The following ERLIN2 variants were observed in gnomAD, a reference collection of about 807,000 sequenced individuals.
ERLIN2 encodes the protein ER lipid raft associated 2.
Under a neutral mutation model 41.5 loss-of-function variants are expected in ERLIN2, and 22 were observed. The observed-to-expected ratio is 0.53, with a 90% CI of 0.38 to 0.76. The LOEUF is 0.76. Among genes scored for constraint, ERLIN2 ranks in the 30% least tolerant of loss-of-function variants. The pLI is 0.00. For synonymous variants in ERLIN2, 149 were observed against 150.9 expected, an observed-to-expected ratio of 0.99 and a Z score of 0.09; for missense variants, 247 against 414.3, an observed-to-expected ratio of 0.60 and a Z score of 3.51.
At chr8:37,745,732 T>G (rs1344875536) in intron 6 of ERLIN2, 11 of 1,544,342 alleles carry the variant, frequency 7.1e-6, no homozygotes, top group African/African-American at 1.4e-5. Context: ...TTACTTTTAA[T>G]GTTTCTGCAG....
At position 37,754,228 on chromosome 8, in the gene ERLIN2, G is replaced by A; in HGVS notation, c.*113G>A. On this transcript the variant is annotated 3_prime_UTR_variant, in exon 12 of 12. Transcript: ENST00000519638. ...TCTCTGACTGTCTTCCAGTTACTGTGGTGAAAAAGAAGAAATGAACTTAAA... is the reference window on the plus strand; with the variant it reads ...TCTCTGACTGTCTTCCAGTTACTGTAGTGAAAAAGAAGAAATGAACTTAAA... 1.2e-6 allele frequency: 1 copy of A among 853,750 alleles called. No individual in the cohort carries two copies. The highest frequency in any genetic ancestry group is 1.9e-6 in the Non-Finnish European group (1 of 516,034). The allele number at this position is 853,750 out of a possible 1,614,324, so 52.9% of individuals were successfully genotyped here. A position where few individuals can be genotyped will look rare whatever the true frequency, so the allele number is the denominator to read the frequency against.
At chr8:37,739,658 A>G (rs1802782480) in intron 2 of ERLIN2, among the ~76,000 whole-genome samples, 1 of 151,870 alleles carries the variant, frequency 6.6e-6, no homozygotes, top group Non-Finnish European at 1.5e-5. Flanking sequence ...TATTTTTAGT[A>G]GAGACGAGGT....
chr8:37,751,644 AG>A lies in ERLIN2; in HGVS notation c.670del (p.Val224TrpfsTer10). The A allele has an allele frequency of 6.2e-7, 1 of 1,613,710 alleles. No individual in the cohort carries two copies. Among genetic ancestry groups the A allele is most frequent in the Non-Finnish European group, 8.5e-7 (1 of 1,179,574 alleles). On this transcript the variant is annotated frameshift_variant, in exon 10 of 12. Coordinates refer to ENST00000519638, the MANE Select transcript of ERLIN2 (RefSeq NM_007175.8). LOFTEE classifies it high-confidence loss of function. ...KALIEAEKVA[Q>X]VAEITYGQKV... ...TATTCAGAGGCAGAAAAAGTGGCCCAGGTGGCTGAGATCACCTACGGGCAGA... is the reference window on the plus strand; with the variant it reads ...TATTCAGAGGCAGAAAAAGTGGCCCAGTGGCTGAGATCACCTACGGGCAGA...
At chr8:37,740,619 CTATATA>C (rs1412486400) in intron 3 of ERLIN2, 173 bp downstream of exon 3, 1 of 181,084 alleles carries the variant, frequency 5.5e-6, no homozygotes, top group Non-Finnish European at 1.1e-5. Context: ...CACACATACA[CTATATA>C]TATATAAAAT....
At chr8:37,748,862 G>C (rs533885429) in intron 6 of ERLIN2, among the ~76,000 whole-genome samples, 7 of 152,176 alleles carry the variant, frequency 4.6e-5, no homozygotes, top group African/African-American at 1.2e-4. Flanking sequence ...AAAGGAAGGT[G>C]GGGGGAGAGT....
intron 2 of ERLIN2, among the ~76,000 whole-genome samples, chr8:37,739,810 T>C (rs893143415): frequency 2.0e-5 from 3 of 151,166 alleles, no homozygotes; most frequent in Admixed American, 6.6e-5. Flanking sequence ...TGCTGTCTTT[T>C]TCTTTTTTTT....
At chr8:37,752,106 T>C (rs2129720500) in intron 10 of ERLIN2, among the ~76,000 whole-genome samples, 1 of 152,330 alleles carries the variant, frequency 6.6e-6, no homozygotes, top group East Asian at 1.9e-4. Context: ...CCAAAGTTGG[T>C]CAGTGCCACG....
intron 6 of ERLIN2, 119 bp from the exon 7 acceptor site, chr8:37,749,440 C>T (rs557893270): frequency 6.5e-6 from 5 of 771,870 alleles, no homozygotes; most frequent in Admixed American, 3.8e-5. Flanking sequence ...TTGATAAGCA[C>T]ACTCCCTTGG....
intron 6 of ERLIN2, chr8:37,747,388 TC>T: frequency 6.6e-7 from 1 of 1,521,390 alleles, no homozygotes; most frequent in Non-Finnish European, 9.1e-7. Flanking sequence ...TTTCTTGGCT[TC>T]CCATTCAGCC....
chr8:37,743,229 T>C (rs1802916448), intron 4 of ERLIN2, among the ~76,000 whole-genome samples: 2 of 152,296 alleles, frequency 1.3e-5, no homozygotes, highest in South Asian at 4.1e-4. Flanking sequence ...CTATAACAGA[T>C]ACGACAGAAA....
In ERLIN2 at chr8:37,740,350, C is replaced by T. The variant is rs200891258; in HGVS notation, c.108-15C>T. The stretch of plus-strand genomic sequence containing the variant: ...GCCAAACTGAAGCTGCCTCTCTCTT[C>T]CCCCTCCTCTGCAGAGGCGGTGCCC... On this transcript the variant is annotated splice_polypyrimidine_tract_variant and intron_variant, in intron 2 of 11. Coordinates refer to ENST00000519638, the MANE Select transcript of ERLIN2 (RefSeq NM_007175.8). 3.0e-4 allele frequency: 479 copies of T among 1,604,846 alleles called. No individual in the cohort carries two copies. The highest frequency in any genetic ancestry group is 3.8e-4 in the Non-Finnish European group (444 of 1,172,774).
intron 4 of ERLIN2, among the ~76,000 whole-genome samples, chr8:37,742,233 C>T (rs1174824488): frequency 5.3e-5 from 8 of 151,240 alleles, no homozygotes; most frequent in African/African-American, 9.7e-5. Flanking sequence ...CCCAGCTACT[C>T]GGGAGGCTGA....
At chr8:37,746,844 TC>T (rs1803068725) in intron 6 of ERLIN2, among the ~76,000 whole-genome samples, 1 of 152,220 alleles carries the variant, frequency 6.6e-6, no homozygotes, top group African/African-American at 2.4e-5. Flanking sequence ...GTAGAAAGAT[TC>T]AAACCACAAC....
Position 37,754,100 on chromosome 8 carries a change from C to T in ERLIN2, c.1005C>T (p.Ala335=). ...TAGAAGATGAACCCTTGGAGACGGC[C>T]ACTAAGGAGAATTGAAAAAAACTTG... is the stretch of plus-strand genomic sequence containing the variant. The part of the protein sequence containing the change: ...FGLEDEPLET[A]TKEN The change falls in exon 12 of 12, where the codon GCC becomes GCT. Residue 335 remains alanine (A), a synonymous_variant. Transcript: ENST00000519638. The T allele has an allele frequency of 6.2e-7, 1 of 1,613,494 alleles. No individual in the cohort carries two copies. Among genetic ancestry groups the T allele is most frequent in the Non-Finnish European group, 8.5e-7 (1 of 1,179,530 alleles).
At chr8:37,736,944 C>T (rs1340912694) in intron 1 of ERLIN2, 4 of 985,758 alleles carry the variant, frequency 4.1e-6, no homozygotes, top group South Asian at 9.4e-5. Flanking sequence ...CGAGTGACCT[C>T]GGGGAGGGAA....
At chr8:37,739,665 AG>A (rs1475111468) in intron 2 of ERLIN2, among the ~76,000 whole-genome samples, 1 of 151,800 alleles carries the variant, frequency 6.6e-6, no homozygotes, top group Admixed American at 6.6e-5. Flanking sequence ...AGTAGAGACG[AG>A]GTTTCACCAT....
At chr8:37,739,530 C>A (rs1208687592) in intron 2 of ERLIN2, among the ~76,000 whole-genome samples, 4 of 151,844 alleles carry the variant, frequency 2.6e-5, no homozygotes, top group Admixed American at 6.6e-5. Flanking sequence ...GGCTGGAGTG[C>A]AGTGGTGAGA....
In ERLIN2 at chr8:37,749,619, G is replaced by C. The variant is rs769448393; in HGVS notation, c.485G>C (p.Gly162Ala). 1 of 1,613,462 alleles carries C rather than the reference G, an allele frequency of 6.2e-7. No homozygotes were observed. Among genetic ancestry groups the C allele is most frequent in the Admixed American group, 1.7e-5 (1 of 60,028 alleles). ...LQQDLTSMAP[G>A]LVIQAVRVTK... ...CAGGACCTGACCTCCATGGCCCCTG[G>C]GCTGGTCATTCAAGTAAGCATTGCT... The change falls in exon 7 of 12, where the codon GGG (glycine) becomes GCG (alanine). Residue 162 changes from glycine (G) to alanine (A), a missense_variant. Coordinates refer to ENST00000519638, the MANE Select transcript of ERLIN2 (RefSeq NM_007175.8).
intron 6 of ERLIN2, chr8:37,747,975 G>A: frequency 1.9e-6 from 3 of 1,614,188 alleles, no homozygotes; most frequent in Non-Finnish European, 2.5e-6. Context: ...TGTCAGAGCA[G>A]ACTACTGACC....
Sources: gnomAD v4.1 joint callset for allele counts (sites outside exome capture counted in the v4.1 genomes callset) on GRCh38, gnomAD v4.1.1 for gene constraint, MANE v1.5 for transcripts, NCBI Gene and HGNC (gene_info 2026-07-23, HGNC 2026-07-21) for gene names.